Variants in AKAP6 observed in about 807,000 individuals in gnomAD.
AKAP6 encodes the protein A-kinase anchoring protein 6, also known as A-kinase anchor protein 6.
Under a neutral mutation model 188.5 loss-of-function variants are expected in AKAP6, and 58 were observed. That is an observed-to-expected ratio of 0.31 (90% CI 0.25 to 0.38). The LOEUF is 0.38. AKAP6 is among the 10% of genes least tolerant of loss of function. The pLI, the probability that AKAP6 is intolerant of heterozygous loss-of-function variation, is 1.00. For synonymous variants in AKAP6, 989 were observed against 998.6 expected (o/e 0.99, Z 0.18); for missense variants, 2,710 against 2,740.0 (o/e 0.99, Z 0.24).
chr14:32,689,824 T>C (rs1890094444), intron 8 of AKAP6, among the ~76,000 whole-genome samples: 1 of 152,128 alleles, frequency 6.6e-6, no homozygotes, highest in Admixed American at 6.6e-5. Flanking sequence ...TGCAAGATTT[T>C]GTTACCACTC....
At chr14:32,731,443 T>C (rs932385538) in intron 9 of AKAP6, among the ~76,000 whole-genome samples, 1 of 152,106 alleles carries the variant, frequency 6.6e-6, no homozygotes, top group African/African-American at 2.4e-5. Flanking sequence ...TTAACTCTGA[T>C]AAAGGTGCTT....
chr14:32,467,349 A>G (rs573107530), intron 2 of AKAP6, among the ~76,000 whole-genome samples: 1 of 152,264 alleles, frequency 6.6e-6, no homozygotes, highest in East Asian at 1.9e-4. Flanking sequence ...GGAACAAACA[A>G]GATTGGACAA....
Position 32,822,269 on chromosome 14 carries a change from C to G in AKAP6, c.4456C>G (p.Gln1486Glu). The G allele has an allele frequency of 6.2e-7, 1 of 1,613,882 alleles. No homozygotes were observed. The highest frequency in any genetic ancestry group is 8.5e-7 in the Non-Finnish European group (1 of 1,179,918). The stretch of plus-strand genomic sequence containing the variant: ...ACTCAAATTACCAATGATAATGAAA[C>G]AGTCACAAAGCGAAAAAGCGCATGT... ...SKLKLPMIMK[Q>E]SQSEKAHVED... The change falls in exon 13 of 14, where the codon CAG becomes GAG. Residue 1486 changes from glutamine (Q) to glutamate (E), a missense_variant. This residue lies in a region of AKAP6 where 2,473 missense variants were observed against 2,426.1 expected (regional missense o/e 1.02). Transcript: ENST00000280979.
intron 7 of AKAP6, among the ~76,000 whole-genome samples, chr14:32,643,819 T>C (rs1887867901): frequency 6.6e-6 from 1 of 152,202 alleles, no homozygotes; most frequent in South Asian, 2.1e-4. Context: ...CTGACCTTGA[T>C]ACTTAGTCTT....
chr14:32,682,758 CAGA>C (rs908560521), intron 8 of AKAP6, among the ~76,000 whole-genome samples: 3 of 152,062 alleles, frequency 2.0e-5, no homozygotes, highest in Non-Finnish European at 4.4e-5. Context: ...ATTCAGTAGG[CAGA>C]AGAAGATGAT....
At chr14:32,722,747 T>C (rs560748611) in intron 9 of AKAP6, among the ~76,000 whole-genome samples, 1 of 152,228 alleles carries the variant, frequency 6.6e-6, no homozygotes, top group East Asian at 1.9e-4. Context: ...CCCATCCCAG[T>C]GAGAGCCACT....
At chr14:32,365,575 G>A (rs1887806351) in intron 1 of AKAP6, among the ~76,000 whole-genome samples, 1 of 152,112 alleles carries the variant, frequency 6.6e-6, no homozygotes, top group Admixed American at 6.5e-5. Flanking sequence ...TGGCCCCCCA[G>A]GGACCCCATT....
chr14:32,367,038 C>G (rs1394119659), intron 1 of AKAP6, among the ~76,000 whole-genome samples: 1 of 152,160 alleles, frequency 6.6e-6, no homozygotes, highest in African/African-American at 2.4e-5. Context: ...AAACTCCTTG[C>G]TGCGGGCTGC....
chr14:32,535,791 G>A lies in AKAP6; in HGVS notation c.562G>A (p.Glu188Lys). ...RQTDILQAFS[E>K]ETKEGRLDSL... is the part of the protein sequence containing the mutation. ...GACGGACATTCTGCAAGCTTTCTCT[G>A]AAGAGACAAAAGAGGTGAGTGTTTT... The change falls in exon 3 of 14, where the codon GAA becomes AAA. Residue 188 changes from glutamate (E) to lysine (K), a missense_variant. Coordinates refer to ENST00000280979, the MANE Select transcript of AKAP6 (RefSeq NM_004274.5). 6.2e-7 allele frequency: 1 copy of A among 1,612,490 alleles called. No individual in the cohort carries two copies. Among genetic ancestry groups the A allele is most frequent in the Non-Finnish European group, 8.5e-7 (1 of 1,178,908 alleles).
intron 2 of AKAP6, among the ~76,000 whole-genome samples, chr14:32,460,482 A>T (rs943367526): frequency 1.3e-5 from 2 of 152,080 alleles, no homozygotes; most frequent in Non-Finnish European, 2.9e-5. Context: ...GTGCAAGGAG[A>T]TGTGGGGACC....
At chr14:32,647,584 G>A (rs1888036529) in intron 7 of AKAP6, among the ~76,000 whole-genome samples, 1 of 151,958 alleles carries the variant, frequency 6.6e-6, no homozygotes, top group Non-Finnish European at 1.5e-5. Flanking sequence ...CAAAAGCTTT[G>A]GCCAAAGTTT....
At chr14:32,618,323 G>A (rs984358701) in intron 7 of AKAP6, among the ~76,000 whole-genome samples, 1 of 152,116 alleles carries the variant, frequency 6.6e-6, no homozygotes, top group Non-Finnish European at 1.5e-5. Flanking sequence ...CCAATATGTA[G>A]TTCTTTTATC....
In AKAP6 at chr14:32,836,339, G is replaced by A. The variant is rs1335239260; in HGVS notation, c.*6534G>A. On this transcript the variant is annotated 3_prime_UTR_variant, in exon 14 of 14. Transcript: ENST00000280979. ...TACTGCATCCTCATCTGGTGGAAGG[G>A]GCAGTGAACAAGCTCCCTTGGGCCC... The A allele has an allele frequency of 6.6e-6, 1 of 152,044 alleles. No homozygotes were observed. 9.4% of individuals were successfully genotyped at this position (152,044 alleles called of 1,614,324 possible). A position where few individuals can be genotyped will look rare whatever the true frequency, so the allele number is the denominator to read the frequency against.
intron 1 of AKAP6, among the ~76,000 whole-genome samples, chr14:32,348,413 G>GT (rs1288046532): frequency 2.9e-5 from 2 of 69,526 alleles, no homozygotes; most frequent in Non-Finnish European, 2.4e-5. Context: ...CTTTTCTTTT[G>GT]TTTCTTTTTT....
At chr14:32,672,985 C>A (rs1889276552) in intron 7 of AKAP6, among the ~76,000 whole-genome samples, 1 of 152,160 alleles carries the variant, frequency 6.6e-6, no homozygotes, top group Admixed American at 6.5e-5. Flanking sequence ...AGATAGCATA[C>A]AAATTTTCTA....
chr14:32,476,920 G>A (rs1400376791), intron 2 of AKAP6, among the ~76,000 whole-genome samples: 2 of 152,174 alleles, frequency 1.3e-5, no homozygotes, highest in Non-Finnish European at 2.9e-5. Context: ...ACATTGGTTT[G>A]GCCTAAAGAG....
intron 1 of AKAP6, among the ~76,000 whole-genome samples, chr14:32,373,100 G>T (rs1039634651): frequency 6.6e-6 from 1 of 151,594 alleles, no homozygotes; most frequent in Non-Finnish European, 1.5e-5. Context: ...GCTTTTTTGG[G>T]GGGGTGGGGT....
At chr14:32,348,895 G>A (rs1229652530) in intron 1 of AKAP6, among the ~76,000 whole-genome samples, 1 of 152,208 alleles carries the variant, frequency 6.6e-6, no homozygotes, top group African/African-American at 2.4e-5. Flanking sequence ...GCTGAGGCCA[G>A]CCTGTGAGTC....
intron 7 of AKAP6, among the ~76,000 whole-genome samples, chr14:32,672,739 A>G (rs1889263924): frequency 6.6e-6 from 1 of 152,194 alleles, no homozygotes; most frequent in Non-Finnish European, 1.5e-5. Flanking sequence ...ACTAGTTACT[A>G]GAATCTCTTA....
Sources: gnomAD v4.1 joint callset for allele counts (sites outside exome capture counted in the v4.1 genomes callset) on GRCh38, gnomAD v4.1.1 for gene constraint, gnomAD v4.1.1 regional missense constraint, MANE v1.5 for transcripts, NCBI Gene and HGNC (gene_info 2026-07-23, HGNC 2026-07-21) for gene names.